The following CTNNA3 variants were observed in gnomAD, a reference collection of about 807,000 sequenced individuals.
CTNNA3 encodes the protein catenin alpha-3.
CTNNA3 carries 76 observed loss-of-function variants against 95.7 expected under a neutral mutation model. The ratio of observed to expected loss-of-function variants is 0.79; its 90% CI spans 0.66 to 0.96. The LOEUF (loss-of-function observed/expected upper bound fraction) is 0.96, where lower values mean the gene tolerates loss of function less well. Ranked by LOEUF, CTNNA3 falls within the 40% of genes least tolerant of loss-of-function variation. CTNNA3 has a pLI of 0.00. For synonymous variants in CTNNA3, 431 were observed against 374.4 expected, an observed-to-expected ratio of 1.15 and a Z score of -1.74; for missense variants, 1,191 against 1,089.8, an observed-to-expected ratio of 1.09 and a Z score of -1.31.
At chr10:66,023,057 A>G (rs909695466) in intron 15 of CTNNA3, among the ~76,000 whole-genome samples, 1 of 150,870 alleles carries the variant, frequency 6.6e-6, no homozygotes, top group Non-Finnish European at 1.5e-5. Context: ...CTTCCTTGCT[A>G]GAATTCGAAC....
chr10:67,691,572 T>G (rs1364238482), intron 1 of CTNNA3, among the ~76,000 whole-genome samples: 2 of 149,642 alleles, frequency 1.3e-5, no homozygotes, highest in African/African-American at 5.0e-5. Flanking sequence ...GGAGCGTCTC[T>G]GCCCGGTCGC....
chr10:66,520,137 C>T (rs930668607), intron 11 of CTNNA3, among the ~76,000 whole-genome samples: 1 of 151,606 alleles, frequency 6.6e-6, no homozygotes. Context: ...CCAGAGTAGA[C>T]CATGGATGAC....
intron 9 of CTNNA3, among the ~76,000 whole-genome samples, chr10:66,655,918 T>C (rs1189133641): frequency 6.6e-6 from 1 of 152,120 alleles, no homozygotes; most frequent in Non-Finnish European, 1.5e-5. Flanking sequence ...TGTTGGGACT[T>C]ACAGAAAAGC....
intron 10 of CTNNA3, among the ~76,000 whole-genome samples, chr10:66,525,628 AGT>A (rs148353534): frequency 1.3e-5 from 2 of 151,938 alleles, no homozygotes; most frequent in Non-Finnish European, 2.9e-5. Context: ...AAAGAGAGAG[AGT>A]GTGTGTGTGT....
chr10:67,289,793 T>C lies in CTNNA3; in HGVS notation c.580-69923A>G, dbSNP rs960811280. ...ATGGATGGATGGACGGATGGATGGA[T>C]GGTTGATGGATGGATTTATTTATTT... On this transcript the variant is annotated intron_variant, in intron 5 of 17. Coordinates refer to ENST00000433211, the MANE Select transcript of CTNNA3 (RefSeq NM_013266.4). Among the ~76,000 whole-genome samples the C allele has an allele frequency of 2.9e-5, 4 of 139,108 alleles. No homozygotes were observed. The East Asian group carries it at 5.8e-4, about 20-fold the overall frequency. 91.3% of individuals were successfully genotyped at this position (139,108 alleles called of 152,430 possible). A position where few individuals can be genotyped will look rare whatever the true frequency, so the allele number is the denominator to read the frequency against.
intron 9 of CTNNA3, among the ~76,000 whole-genome samples, chr10:66,673,716 T>G (rs1846746187): frequency 6.6e-6 from 1 of 152,078 alleles, no homozygotes; most frequent in Non-Finnish European, 1.5e-5. Context: ...AGATTAGATA[T>G]GGGCCTTATT....
At chr10:66,885,938 T>G (rs1162274032) in intron 7 of CTNNA3, among the ~76,000 whole-genome samples, 1 of 152,186 alleles carries the variant, frequency 6.6e-6, no homozygotes, top group Admixed American at 6.5e-5. Context: ...ACCAACTTTC[T>G]TCATTTGATA....
Position 66,144,493 on chromosome 10 carries a change from AT to A in CTNNA3, c.1885-41245del, listed in dbSNP as rs998280422. Among the ~76,000 whole-genome samples, 502 of 147,438 alleles carry A rather than the reference AT, an allele frequency of 3.4e-3. 2 individuals are homozygous for A. The highest frequency in any genetic ancestry group is 0.011 in the African/African-American group (431 of 40,474). ...CTGGTTAATTTATATTTATTTATTT[AT>A]TTTTTTTTTTGAGACAGAGTTTCGC... On this transcript the variant is annotated intron_variant, in intron 13 of 17. Coordinates refer to ENST00000433211, the MANE Select transcript of CTNNA3 (RefSeq NM_013266.4).
intron 3 of CTNNA3, among the ~76,000 whole-genome samples, chr10:67,586,874 T>G (rs1842642805): frequency 6.6e-6 from 1 of 152,252 alleles, no homozygotes; most frequent in South Asian, 2.1e-4. Flanking sequence ...TACCCTTCTT[T>G]TTCTCTTATT....
chr10:67,133,378 T>TATATATACAC (rs1177119156), intron 7 of CTNNA3, among the ~76,000 whole-genome samples: 1,604 of 133,836 alleles, frequency 0.012, 31 homozygotes, highest in African/African-American at 0.043. Flanking sequence ...TATATATATA[T>TATATATACAC]ACACACACAC....
In CTNNA3 at chr10:66,444,039, GGAGCCGATGC is replaced by G. The variant is rs1462113446; in HGVS notation, c.1532-64697_1532-64688del. Among the ~76,000 whole-genome samples the G allele has an allele frequency of 3.3e-5, 5 of 152,266 alleles. No individual in the cohort carries two copies. In the East Asian group the frequency reaches 9.7e-4, roughly 29 times the overall value. ...CTACGTGAAGAACGCAGAAGCCTCA[GGAGCCGATGC>G]GATCAACTGGAAGAAAGGGTATCAG... is the stretch of plus-strand genomic sequence containing the variant. On this transcript the variant is annotated intron_variant, in intron 11 of 17. Coordinates refer to ENST00000433211, the MANE Select transcript of CTNNA3 (RefSeq NM_013266.4).
In CTNNA3 at chr10:65,968,207, T is replaced by C. The variant is rs138842301; in HGVS notation, c.2266-1461A>G. 4.1e-4 allele frequency among the ~76,000 whole-genome samples: 62 copies of C among 151,906 alleles called. No individual in the cohort carries two copies. The East Asian group carries it at 4.5e-3, about 11-fold the overall frequency. ...GAATTTGAGACCAGCCTGGGGAACA[T>C]AGGGAGACACTATCTCTACAAAAAA... On this transcript the variant is annotated intron_variant, in intron 16 of 17. Transcript: ENST00000433211.
chr10:67,749,146 A>G (rs1396192825), intron 1 of CTNNA3, among the ~76,000 whole-genome samples: 1 of 152,230 alleles, frequency 6.6e-6, no homozygotes, highest in Non-Finnish European at 1.5e-5. Context: ...ATATTTATGA[A>G]CACAGATTCA....
intron 13 of CTNNA3, among the ~76,000 whole-genome samples, chr10:66,170,789 G>T (rs1006546655): frequency 6.6e-6 from 1 of 151,688 alleles, no homozygotes; most frequent in African/African-American, 2.4e-5. Context: ...ACATATGAAG[G>T]CAAGAGCCTT....
At chr10:67,265,401 A>G (rs369604715) in intron 5 of CTNNA3, among the ~76,000 whole-genome samples, 5 of 152,304 alleles carry the variant, frequency 3.3e-5, no homozygotes, top group Middle Eastern at 3.4e-3. Flanking sequence ...GCCTAACTGA[A>G]TGAGATTTTC....
chr10:66,871,298 C>T (rs973291533), intron 7 of CTNNA3, among the ~76,000 whole-genome samples: 8 of 152,048 alleles, frequency 5.3e-5, no homozygotes, highest in Admixed American at 3.3e-4. Context: ...GTGGCTCATG[C>T]CTGTAATCCC....
In CTNNA3 at chr10:65,966,629, C is replaced by T. The variant is rs1442075505; in HGVS notation, c.2383G>A (p.Glu795Lys). ...GTACTCACAGCTGACATGATGAGCT[C>T]TCCTCCCAGGTTCTGGATCTCAGCT... ...VKAEIQNLGG[E>K]LIMSALDSVT... Residue 795 changes from glutamate (E) to lysine (K), a missense_variant, in exon 17 of 18, where the codon GAG becomes AAG. Coordinates refer to ENST00000433211, the MANE Select transcript of CTNNA3 (RefSeq NM_013266.4). 1 of 1,613,638 alleles carries T rather than the reference C, an allele frequency of 6.2e-7. No homozygotes were observed. The highest frequency in any genetic ancestry group is 2.2e-5 in the East Asian group (1 of 44,870).
At chr10:66,996,665 A>AAAAAAAAAAAAG (rs1851368967) in intron 7 of CTNNA3, among the ~76,000 whole-genome samples, 1 of 150,788 alleles carries the variant, frequency 6.6e-6, no homozygotes, top group South Asian at 2.1e-4. Context: ...AAAAAAAAAA[A>AAAAAAAAAAAAG]AAAAAAGCAT....
intron 11 of CTNNA3, among the ~76,000 whole-genome samples, chr10:66,414,073 A>C (rs1448098234): frequency 6.6e-6 from 1 of 152,178 alleles, no homozygotes; most frequent in Non-Finnish European, 1.5e-5. Context: ...TCCTAAATTT[A>C]TTCTTCTTTT....
Sources: gnomAD v4.1 joint callset for allele counts (sites outside exome capture counted in the v4.1 genomes callset) on GRCh38, gnomAD v4.1.1 for gene constraint, MANE v1.5 for transcripts, NCBI Gene and HGNC (gene_info 2026-07-23, HGNC 2026-07-21) for gene names.